The following E2F5 variants were observed in gnomAD, a reference collection of about 807,000 sequenced individuals.
E2F5 encodes the protein E2F transcription factor 5, also known as transcription factor E2F5.
In E2F5, 23 loss-of-function variants were observed where a neutral mutation model predicts 39.1. The observed-to-expected ratio is 0.59, with a 90% confidence interval of 0.42 to 0.83. E2F5 has a LOEUF of 0.83. Ranked by LOEUF, E2F5 falls within the 40% of genes least tolerant of loss-of-function variation. The pLI is 0.00. For synonymous variants in E2F5, 145 were observed against 157.8 expected, an observed-to-expected ratio of 0.92 and a Z score of 0.61; for missense variants, 365 against 406.7, an observed-to-expected ratio of 0.90 and a Z score of 0.88.
intron 1 of E2F5, among the ~76,000 whole-genome samples, chr8:85,193,487 G>T (rs537711517): frequency 6.6e-6 from 1 of 151,908 alleles, no homozygotes; most frequent in Non-Finnish European, 1.5e-5. Flanking sequence ...TCAATCAATC[G>T]ATCAATCAAT....
At chr8:85,202,279 C>G (rs759297176) in intron 2 of E2F5, 23 bp downstream of exon 2, 1 of 1,466,210 alleles carries the variant, frequency 6.8e-7, no homozygotes, top group African/African-American at 2.0e-5. Context: ...CCAGCACCCT[C>G]TTCTGAAACC....
chr8:85,196,722 G>A (rs1812588675), intron 1 of E2F5, among the ~76,000 whole-genome samples: 1 of 152,180 alleles, frequency 6.6e-6, no homozygotes, highest in Non-Finnish European at 1.5e-5. Context: ...CAGTATAACA[G>A]GGAGAACACT....
In E2F5 at chr8:85,207,448, G is replaced by T. The variant is rs1386552061; in HGVS notation, c.574G>T (p.Ala192Ser). 11 of 1,561,278 alleles carry T rather than the reference G, an allele frequency of 7.0e-6. 1 individual carries two copies. Among genetic ancestry groups the T allele is most frequent in the South Asian group, 3.5e-5 (3 of 84,770 alleles). ...AGGTGATACACTTTTGGCCATTCAG[G>T]CACCTTCTGGTACACAACTGGAGGT... ...FNGDTLLAIQ[A>S]PSGTQLEVPI... is the part of the protein sequence containing the mutation. Residue 192 changes from alanine to serine, a missense_variant, in exon 5 of 8, where the codon GCA (alanine) becomes TCA (serine). By Grantham distance (99) the Ala-to-Ser change is moderately conservative. Transcript: ENST00000416274.
At chr8:85,197,999 C>G (rs1469911827) in intron 1 of E2F5, among the ~76,000 whole-genome samples, 2 of 152,146 alleles carry the variant, frequency 1.3e-5, no homozygotes, top group Non-Finnish European at 2.9e-5. Context: ...TTTGTACTTT[C>G]TTCTCTCCTC....
rs189252686 is a variant in E2F5, at chr8:85,204,842, A to C, written c.507-1335A>C. Among the ~76,000 whole-genome samples the C allele has an allele frequency of 2.0e-5, 3 of 152,294 alleles. No individual in the cohort carries two copies. The East Asian group carries it at 5.8e-4, about 29-fold the overall frequency. ...CCTCTGCCTTAATCATCCCAGGGTC[A>C]GGTACCAGACAACTGGGGGACTACC... On this transcript the variant is annotated intron_variant, in intron 3 of 7. Transcript: ENST00000416274.
chr8:85,213,001 G>A (rs1457930559), intron 7 of E2F5: 1 of 150,408 alleles, frequency 6.6e-6, no homozygotes, highest in African/African-American at 2.5e-5. Context: ...AGGTTCAAAT[G>A]ATTCTCCTGG....
rs1237899300 is a variant in E2F5, at chr8:85,214,127, T to C, written c.*265T>C. On this transcript the variant is annotated 3_prime_UTR_variant, in exon 8 of 8. Transcript: ENST00000416274. Reference sequence around the variant, plus strand: ...ATATTCTGGATTTCAACTTTTCTTCTAATTGTGAATCCTTCTGTTTTTTCT... The same window carrying C: ...ATATTCTGGATTTCAACTTTTCTTCCAATTGTGAATCCTTCTGTTTTTTCT... The C allele has an allele frequency of 1.8e-6, 1 of 554,416 alleles. No individual in the cohort carries two copies. Among genetic ancestry groups the C allele is most frequent in the Admixed American group, 2.3e-5 (1 of 43,454 alleles). The allele number at this position is 554,416 out of a possible 1,614,324, so 34.3% of individuals were successfully genotyped here.
In E2F5 at chr8:85,207,472, G is replaced by A; in HGVS notation, c.598G>A (p.Val200Ile). 6.4e-7 allele frequency: 1 copy of A among 1,560,624 alleles called. No individual in the cohort carries two copies. The highest frequency in any genetic ancestry group is 1.2e-5 in the South Asian group (1 of 84,646). The change falls in exon 5 of 8, where the codon GTA becomes ATA. Residue 200 changes from valine to isoleucine, a missense_variant. Coordinates refer to ENST00000416274, the MANE Select transcript of E2F5 (RefSeq NM_001951.4). ...GGCACCTTCTGGTACACAACTGGAG[G>A]TACCCATTCCAGAAATGGTATGTAG... is the stretch of plus-strand genomic sequence containing the variant. ...IQAPSGTQLE[V>I]PIPEMGQNGQ...
intron 1 of E2F5, among the ~76,000 whole-genome samples, chr8:85,197,708 T>C (rs1175148116): frequency 3.3e-5 from 5 of 152,186 alleles, no homozygotes; most frequent in Non-Finnish European, 7.3e-5. Context: ...ATAGGTAAAA[T>C]CCTATGAGAG....
chr8:85,184,249 C>G (rs987084931), intron 1 of E2F5, among the ~76,000 whole-genome samples: 18 of 152,168 alleles, frequency 1.2e-4, no homozygotes, highest in Admixed American at 1.2e-3. Flanking sequence ...ATCACATAAA[C>G]AGAATCAATG....
chr8:85,202,580 G>A (rs1224913703), intron 2 of E2F5, among the ~76,000 whole-genome samples: 14 of 152,268 alleles, frequency 9.2e-5, no homozygotes, highest in Admixed American at 7.9e-4. Flanking sequence ...TACTTTCATA[G>A]GAATTTGTAC....
intron 1 of E2F5, among the ~76,000 whole-genome samples, chr8:85,182,002 A>G (rs1325922217): frequency 6.6e-6 from 1 of 152,084 alleles, no homozygotes; most frequent in African/African-American, 2.4e-5. Flanking sequence ...ATCAATTTTA[A>G]TAAAGCTGTT....
intron 7 of E2F5, chr8:85,212,539 T>TA (rs1470082742): frequency 5.1e-6 from 1 of 197,832 alleles, no homozygotes; most frequent in Admixed American, 6.1e-5. Context: ...CCTGCCTTTG[T>TA]AAATACCCCT....
intron 7 of E2F5, 138 bp from the exon 8 acceptor site, chr8:85,213,615 G>A (rs756269683): frequency 1.4e-3 from 516 of 359,170 alleles, no homozygotes; most frequent in Non-Finnish European, 2.0e-3. Flanking sequence ...TGTACAAATT[G>A]TTACTAAATG....
At chr8:85,183,993 T>C (rs1299241393) in intron 1 of E2F5, among the ~76,000 whole-genome samples, 2 of 151,812 alleles carry the variant, frequency 1.3e-5, no homozygotes, top group Non-Finnish European at 2.9e-5. Context: ...GGAAAGACCA[T>C]GTGAGGACAC....
At position 85,214,491 on chromosome 8, in the gene E2F5, T is replaced by A. The variant is rs1278955003; in HGVS notation, c.*629T>A. On this transcript the variant is annotated 3_prime_UTR_variant, in exon 8 of 8. Coordinates refer to ENST00000416274, the MANE Select transcript of E2F5 (RefSeq NM_001951.4). Reference sequence around the variant, plus strand: ...AATGCCTGTACATTAACAAGATTTTTAAAAATAAAATTGTATAAAACATTC... The same window carrying A: ...AATGCCTGTACATTAACAAGATTTTAAAAAATAAAATTGTATAAAACATTC... 3.6e-6 allele frequency: 4 copies of A among 1,118,146 alleles called. No homozygotes were observed. Among genetic ancestry groups the A allele is most frequent in the Non-Finnish European group, 5.4e-6 (4 of 746,082 alleles). The allele number at this position is 1,118,146 out of a possible 1,614,324, so 69.3% of individuals were successfully genotyped here.
chr8:85,179,895 T>C (rs1357494160), intron 1 of E2F5, among the ~76,000 whole-genome samples: 17 of 152,242 alleles, frequency 1.1e-4, no homozygotes, highest in South Asian at 6.2e-4. Flanking sequence ...CTCCTGACCT[T>C]GTGATCCACG....
In E2F5 at chr8:85,213,946, G is replaced by A. The variant is rs1159985541; in HGVS notation, c.*84G>A. On this transcript the variant is annotated 3_prime_UTR_variant, in exon 8 of 8. Transcript: ENST00000416274. The stretch of plus-strand genomic sequence containing the variant: ...TAATAACCTAAATATTTAAAATAAT[G>A]AATGTAACACCTTTTTTAGTTCACT... The A allele has an allele frequency of 5.2e-6, 4 of 774,790 alleles. No homozygotes were observed. Among genetic ancestry groups the A allele is most frequent in the Non-Finnish European group, 8.5e-6 (4 of 468,050 alleles). 48.0% of individuals were successfully genotyped at this position (774,790 alleles called of 1,614,324 possible).
intron 1 of E2F5, among the ~76,000 whole-genome samples, chr8:85,178,531 G>A (rs1011833783): frequency 1.3e-5 from 2 of 152,164 alleles, no homozygotes; most frequent in Non-Finnish European, 2.9e-5. Flanking sequence ...TGAGAATGTG[G>A]TCACTCCGCG....
Sources: gnomAD v4.1 joint callset for allele counts (sites outside exome capture counted in the v4.1 genomes callset) on GRCh38, gnomAD v4.1.1 for gene constraint, MANE v1.5 for transcripts, NCBI Gene and HGNC (gene_info 2026-07-23, HGNC 2026-07-21) for gene names.